Variants in LRRC4C observed in about 807,000 individuals in gnomAD.
LRRC4C encodes leucine rich repeat containing 4C.
Under a neutral mutation model 33.6 loss-of-function variants are expected in LRRC4C, and 5 were observed. The observed-to-expected ratio is 0.15, with a 90% CI of 0.08 to 0.31. The LOEUF (loss-of-function observed/expected upper bound fraction) is 0.31. Among genes scored for constraint, LRRC4C ranks in the 10% least tolerant of loss-of-function variants. The probability of loss-of-function intolerance (pLI) is 1.00; values close to 1 mark genes in which losing one functional copy is unlikely to be tolerated. For missense variants in LRRC4C, 560 were observed against 796.7 expected (o/e 0.70, Z 3.58); for synonymous variants, 329 against 302.0 (o/e 1.09, Z -0.93).
Position 41,262,635 on chromosome 11 carries a change from A to C in LRRC4C, c.-496+196796T>G, listed in dbSNP as rs954564711. Among the ~76,000 whole-genome samples, 3 of 152,288 alleles carry C rather than the reference A, an allele frequency of 2.0e-5. No homozygotes were observed. The East Asian group carries it at 5.8e-4, about 29-fold the overall frequency. ...AACATCTACTCTGTGCTTCAAATCA[A>C]GCAAAGCAAGTCCTTATTTTTTATT... On this transcript the variant is annotated intron_variant, in intron 1 of 6. Coordinates refer to ENST00000528697, the MANE Select transcript of LRRC4C (RefSeq NM_001258419.2).
intron 3 of LRRC4C, among the ~76,000 whole-genome samples, chr11:40,357,062 A>T (rs1947703001): frequency 6.6e-6 from 1 of 152,156 alleles, no homozygotes. Flanking sequence ...TGCTATCCCT[A>T]AAATTGTGAA....
At chr11:40,647,121 G>T (rs1285439547) in intron 3 of LRRC4C, among the ~76,000 whole-genome samples, 1 of 152,166 alleles carries the variant, frequency 6.6e-6, no homozygotes, top group Admixed American at 6.5e-5. Flanking sequence ...GTTATCTTTT[G>T]GGAGGATCAT....
intron 3 of LRRC4C, among the ~76,000 whole-genome samples, chr11:40,521,012 A>G (rs1226764431): frequency 6.6e-6 from 1 of 152,174 alleles, no homozygotes; most frequent in East Asian, 1.9e-4. Context: ...CATTGCTTAA[A>G]AAAAAAGCAC....
intron 2 of LRRC4C, among the ~76,000 whole-genome samples, chr11:40,705,718 A>G (rs1424845509): frequency 1.3e-5 from 2 of 152,064 alleles, no homozygotes; most frequent in East Asian, 3.9e-4. Context: ...TTGGGTATAT[A>G]CCACGTAATG....
chr11:40,700,677 T>G (rs1591500225), intron 2 of LRRC4C, among the ~76,000 whole-genome samples: 2 of 152,240 alleles, frequency 1.3e-5, no homozygotes, highest in South Asian at 4.1e-4. Flanking sequence ...ACTTTCTGGA[T>G]TCAGGGTCCA....
At chr11:41,043,680 T>C (rs1286797873) in intron 1 of LRRC4C, among the ~76,000 whole-genome samples, 1 of 152,078 alleles carries the variant, frequency 6.6e-6, no homozygotes, top group Non-Finnish European at 1.5e-5. Flanking sequence ...CTCACGTACT[T>C]AGTAAATAAA....
intron 1 of LRRC4C, among the ~76,000 whole-genome samples, chr11:40,956,944 G>A (rs1450083440): frequency 6.6e-6 from 1 of 151,566 alleles, no homozygotes; most frequent in Non-Finnish European, 1.5e-5. Context: ...TTTGTTTTTT[G>A]GTTCCCAGTG....
intron 3 of LRRC4C, among the ~76,000 whole-genome samples, chr11:40,422,281 G>C (rs1033009699): frequency 6.6e-6 from 1 of 152,200 alleles, no homozygotes; most frequent in Non-Finnish European, 1.5e-5. Context: ...GAGACAAGAG[G>C]TAGAACTTAG....
intron 1 of LRRC4C, among the ~76,000 whole-genome samples, chr11:41,082,784 G>T (rs1453614360): frequency 6.6e-6 from 1 of 151,856 alleles, no homozygotes; most frequent in African/African-American, 2.4e-5. Flanking sequence ...ATTTCTTCTT[G>T]TTTTTTCTTC....
chr11:41,299,068 G>A (rs1416499544), intron 1 of LRRC4C, among the ~76,000 whole-genome samples: 2 of 152,004 alleles, frequency 1.3e-5, no homozygotes, highest in African/African-American at 4.8e-5. Context: ...CTTTGCTATC[G>A]TGAATAGTGC....
intron 1 of LRRC4C, among the ~76,000 whole-genome samples, chr11:41,100,016 A>T (rs1428172373): frequency 1.3e-5 from 2 of 152,164 alleles, no homozygotes; most frequent in African/African-American, 2.4e-5. Context: ...CCCAAAAAAA[A>T]GTACAAAAAT....
At chr11:41,366,044 A>G (rs1396128109) in intron 1 of LRRC4C, among the ~76,000 whole-genome samples, 1 of 152,208 alleles carries the variant, frequency 6.6e-6, no homozygotes, top group Admixed American at 6.5e-5. Flanking sequence ...TAAAATAAGC[A>G]TTAAATAAAC....
chr11:40,606,259 G>C (rs1379981625), intron 3 of LRRC4C, among the ~76,000 whole-genome samples: 1 of 152,166 alleles, frequency 6.6e-6, no homozygotes, highest in East Asian at 1.9e-4. Context: ...AGAGAAGTTA[G>C]AGTACTGCAG....
intron 6 of LRRC4C, among the ~76,000 whole-genome samples, chr11:40,123,769 C>A (rs572559879): frequency 6.6e-6 from 1 of 152,132 alleles, no homozygotes; most frequent in African/African-American, 2.4e-5. Context: ...ACAAAAGACC[C>A]AGAATAGCCA....
chr11:40,460,228 C>A (rs183352932), intron 3 of LRRC4C, among the ~76,000 whole-genome samples: 24 of 152,150 alleles, frequency 1.6e-4, no homozygotes, highest in Non-Finnish European at 3.4e-4. Context: ...ATACATCAGG[C>A]ACTGTGCTAC....
At chr11:41,067,973 C>A (rs1345819677) in intron 1 of LRRC4C, among the ~76,000 whole-genome samples, 1 of 152,156 alleles carries the variant, frequency 6.6e-6, no homozygotes, top group East Asian at 1.9e-4. Flanking sequence ...CTCCAACTGA[C>A]ACCCTAACAT....
intron 1 of LRRC4C, among the ~76,000 whole-genome samples, chr11:41,381,640 GAA>G (rs1565628551): frequency 0.012 from 1,534 of 123,236 alleles, 29 homozygotes; most frequent in African/African-American, 0.043. Flanking sequence ...AAAAAAAAAA[GAA>G]AAAAGAAAGA....
At chr11:40,530,879 G>T (rs1295794072) in intron 3 of LRRC4C, among the ~76,000 whole-genome samples, 1 of 152,134 alleles carries the variant, frequency 6.6e-6, no homozygotes, top group Non-Finnish European at 1.5e-5. Context: ...AGGCTAAGTG[G>T]AGGGAGGGGC....
intron 3 of LRRC4C, among the ~76,000 whole-genome samples, chr11:40,599,964 T>C (rs1342334092): frequency 1.3e-5 from 2 of 152,194 alleles, no homozygotes; most frequent in African/African-American, 4.8e-5. Flanking sequence ...GAATTTGAAC[T>C]CCTAGAATTT....
Sources: gnomAD v4.1 joint callset for allele counts (sites outside exome capture counted in the v4.1 genomes callset) on GRCh38, gnomAD v4.1.1 for gene constraint, MANE v1.5 for transcripts, NCBI Gene and HGNC (gene_info 2026-07-23, HGNC 2026-07-21) for gene names.